Variants in MKLN1 observed in about 807,000 individuals in gnomAD.
MKLN1 encodes the protein muskelin.
A neutral mutation model predicts 99.0 loss-of-function variants in MKLN1; 18 were observed. That is an observed-to-expected ratio of 0.18 (90% CI 0.13 to 0.27). The LOEUF is 0.27. Ranked by LOEUF, MKLN1 falls within the 10% of genes least tolerant of loss-of-function variation. The pLI is 1.00. For synonymous variants in MKLN1, 288 were observed against 293.2 expected (o/e 0.98, Z 0.18); for missense variants, 621 against 875.9 (o/e 0.71, Z 3.67).
At chr7:131,136,132 C>T (rs1057267891) in intron 1 of MKLN1, among the ~76,000 whole-genome samples, 3 of 152,112 alleles carry the variant, frequency 2.0e-5, no homozygotes, top group East Asian at 1.9e-4. Flanking sequence ...GCCTCAGGGA[C>T]GAGCTGTCCC....
intron 2 of MKLN1, among the ~76,000 whole-genome samples, chr7:131,169,243 T>A (rs748157661): frequency 6.6e-6 from 1 of 152,150 alleles, no homozygotes. Context: ...CAAACACACA[T>A]CAATTATTAA....
chr7:131,271,595 C>A (rs370787008), intron 3 of MKLN1, among the ~76,000 whole-genome samples: 3 of 142,654 alleles, frequency 2.1e-5, no homozygotes, highest in East Asian at 4.1e-4. Flanking sequence ...CCAGCCTGGG[C>A]GACAGAGTGA....
intron 8 of MKLN1, among the ~76,000 whole-genome samples, chr7:131,415,427 C>T (rs1392688775): frequency 6.6e-6 from 1 of 152,064 alleles, no homozygotes; most frequent in Non-Finnish European, 1.5e-5. Context: ...CTTGGAGACT[C>T]ATATTCTAAA....
intron 1 of MKLN1, among the ~76,000 whole-genome samples, chr7:131,328,423 T>C (rs1189805103): frequency 6.6e-6 from 1 of 151,886 alleles, no homozygotes; most frequent in Non-Finnish European, 1.5e-5. Context: ...GTTCAGTCGA[T>C]TGCTGCCGGG....
intron 4 of MKLN1, among the ~76,000 whole-genome samples, chr7:131,394,289 C>G (rs573843671): frequency 6.6e-6 from 1 of 152,150 alleles, no homozygotes; most frequent in East Asian, 1.9e-4. Context: ...TCCTTTATAT[C>G]AGTGGTCCCC....
At chr7:131,142,185 C>T (rs1795744309) in intron 1 of MKLN1, among the ~76,000 whole-genome samples, 1 of 152,022 alleles carries the variant, frequency 6.6e-6, no homozygotes, top group Admixed American at 6.6e-5. Context: ...GTGGGCAGAT[C>T]ACCTGAGGTC....
chr7:131,224,450 G>A (rs1187284697), intron 3 of MKLN1, among the ~76,000 whole-genome samples: 1 of 152,134 alleles, frequency 6.6e-6, no homozygotes, highest in African/African-American at 2.4e-5. Context: ...GGAGGCTGAG[G>A]CAGGAGAATC....
At chr7:131,347,495 A>C (rs369351549) in intron 1 of MKLN1, among the ~76,000 whole-genome samples, 6 of 151,914 alleles carry the variant, frequency 3.9e-5, no homozygotes, top group African/African-American at 1.5e-4. Flanking sequence ...AAACAAAAAC[A>C]AAAAAAACCC....
At chr7:131,322,602 C>A (rs1445106100) in intron 3 of MKLN1, among the ~76,000 whole-genome samples, 1 of 141,710 alleles carries the variant, frequency 7.1e-6, no homozygotes, top group African/African-American at 2.7e-5. Flanking sequence ...CTCGCTCTGT[C>A]GCCCAGGCCG....
In MKLN1 at chr7:131,347,180, T is replaced by C. The variant is rs549922282; in HGVS notation, c.98+19183T>C. Reference sequence around the variant, plus strand: ...GCCTAGAAAGAGATTAGAAACAAAATAGAAACGAAAGGAAAAAATAGAGGA... The same window carrying C: ...GCCTAGAAAGAGATTAGAAACAAAACAGAAACGAAAGGAAAAAATAGAGGA... On this transcript the variant is annotated intron_variant, in intron 1 of 17. Transcript: ENST00000352689. 2.0e-5 allele frequency among the ~76,000 whole-genome samples: 3 copies of C among 151,998 alleles called. No homozygotes were observed. In the South Asian group the frequency reaches 6.2e-4, roughly 32 times the overall value.
At chr7:131,285,894 G>A (rs550270528) in intron 3 of MKLN1, among the ~76,000 whole-genome samples, 3 of 151,426 alleles carry the variant, frequency 2.0e-5, no homozygotes, top group Non-Finnish European at 2.9e-5. Flanking sequence ...ATCATATTGC[G>A]TGACAATTAC....
In MKLN1 at chr7:131,489,544, G is replaced by A. The variant is rs1797371767; in HGVS notation, c.*1816G>A. On this transcript the variant is annotated 3_prime_UTR_variant, in exon 18 of 18. Coordinates refer to ENST00000352689, the MANE Select transcript of MKLN1 (RefSeq NM_013255.5). The stretch of plus-strand genomic sequence containing the variant: ...AATATAGCCTGTTAAATCTTTTGTG[G>A]AGACAGGTGCAAATCAGAAGATTGA... The A allele has an allele frequency of 6.6e-6, 1 of 152,122 alleles. No individual in the cohort carries two copies. The highest frequency in any genetic ancestry group is 6.6e-5 in the Admixed American group (1 of 15,242). The allele number at this position is 152,122 out of a possible 1,614,324, so 9.4% of individuals were successfully genotyped here.
intron 1 of MKLN1, among the ~76,000 whole-genome samples, chr7:131,372,282 A>G (rs77159041): frequency 0.063 from 9,608 of 151,964 alleles, 362 homozygotes; most frequent in Non-Finnish European, 0.075. Flanking sequence ...GTCTTTTCAA[A>G]CTCAGTTCAT....
Position 131,445,898 on chromosome 7 carries a change from G to C in MKLN1, c.1520G>C (p.Gly507Ala). Residue 507 changes from glycine to alanine, a missense_variant, in exon 12 of 18, where the codon GGG (glycine) becomes GCG (alanine). By Grantham distance (60) the Gly-to-Ala change is moderately conservative. This residue lies in a region of MKLN1 where 361 missense variants were observed against 540.8 expected (regional missense o/e 0.67). Coordinates refer to ENST00000352689, the MANE Select transcript of MKLN1 (RefSeq NM_013255.5). ...TCAGATGGCACCAAGAAAGACTCTG[G>C]GATGGGTAAGGGCATTGAGTGATTT... The part of the protein sequence containing the change: ...IISDGTKKDS[G>A]MVPMTGFTQR... 1 of 1,595,376 alleles carries C rather than the reference G, an allele frequency of 6.3e-7. No individual in the cohort carries two copies. Among genetic ancestry groups the C allele is most frequent in the Non-Finnish European group, 8.6e-7 (1 of 1,168,528 alleles).
At chr7:131,272,646 T>C (rs944900342) in intron 3 of MKLN1, among the ~76,000 whole-genome samples, 12 of 152,298 alleles carry the variant, frequency 7.9e-5, no homozygotes, top group African/African-American at 2.9e-4. Context: ...AGAGGTTTAA[T>C]TGGACTTACA....
chr7:131,451,074 T>C (rs747742297), intron 12 of MKLN1, among the ~76,000 whole-genome samples: 1 of 152,226 alleles, frequency 6.6e-6, no homozygotes, highest in African/African-American at 2.4e-5. Context: ...ACCTCACTTT[T>C]AAAAAGTACA....
intron 2 of MKLN1, among the ~76,000 whole-genome samples, chr7:131,186,064 C>T (rs1388087077): frequency 3.3e-5 from 5 of 151,938 alleles, no homozygotes; most frequent in South Asian, 2.1e-4. Flanking sequence ...TAGTGGCACG[C>T]GCCTGTAATC....
At chr7:131,327,766 G>A (rs1798925416), upstream of MKLN1, 4 of 1,419,518 alleles carry the variant, frequency 2.8e-6, no homozygotes, top group East Asian at 7.6e-5. Context: ...CCGGCGCTGG[G>A]CTCGGGTAAC....
chr7:131,346,034 A>T (rs1799549600), intron 1 of MKLN1, among the ~76,000 whole-genome samples: 1 of 152,170 alleles, frequency 6.6e-6, no homozygotes. Flanking sequence ...AGGAGTGAAA[A>T]ATGAAAGACC....
Sources: allele counts gnomAD v4.1 joint callset (sites outside exome capture counted in the v4.1 genomes callset), GRCh38; gene constraint gnomAD v4.1.1; regional missense constraint gnomAD v4.1.1; transcripts MANE v1.5; gene names NCBI Gene and HGNC (gene_info 2026-07-23, HGNC 2026-07-21).